The following NEK6 variants were observed in gnomAD, a reference collection of about 807,000 sequenced individuals.
NEK6 encodes NIMA related kinase 6.
Under a neutral mutation model 43.5 loss-of-function variants are expected in NEK6, and 27 were observed. The observed-to-expected ratio is 0.62, with a 90% CI of 0.46 to 0.86. The LOEUF is 0.86. Among genes scored for constraint, NEK6 ranks in the 40% least tolerant of loss-of-function variants. The pLI, the probability that NEK6 is intolerant of heterozygous loss-of-function variation, is 0.00. For missense variants in NEK6, 318 were observed against 414.4 expected, an observed-to-expected ratio of 0.77 and a Z score of 2.02; for synonymous variants, 167 against 164.1, an observed-to-expected ratio of 1.02 and a Z score of -0.14.
At chr9:124,285,223 G>A (rs549966771) in intron 1 of NEK6, among the ~76,000 whole-genome samples, 6 of 152,300 alleles carry the variant, frequency 3.9e-5, no homozygotes, top group African/African-American at 1.4e-4. Flanking sequence ...CCCTCCATGC[G>A]GGTGCTCTGA....
chr9:124,267,083 G>A (rs1013111963), intron 1 of NEK6, among the ~76,000 whole-genome samples: 1 of 152,248 alleles, frequency 6.6e-6, no homozygotes, highest in Non-Finnish European at 1.5e-5. Context: ...CACACACTTT[G>A]TTTAGAGGGC....
intron 1 of NEK6, among the ~76,000 whole-genome samples, chr9:124,286,216 T>G (rs1401892399): frequency 1.3e-5 from 2 of 152,254 alleles, no homozygotes; most frequent in Non-Finnish European, 2.9e-5. Context: ...TGCAATTCTA[T>G]TCAGCTGTTA....
intron 5 of NEK6, among the ~76,000 whole-genome samples, chr9:124,321,975 C>T (rs1374006740): frequency 2.6e-5 from 4 of 152,230 alleles, no homozygotes; most frequent in African/African-American, 7.2e-5. Flanking sequence ...ACAGAAGGAG[C>T]AGGGGCAGCA....
intron 1 of NEK6, among the ~76,000 whole-genome samples, chr9:124,265,352 T>C (rs896794043): frequency 6.6e-6 from 1 of 152,052 alleles, no homozygotes; most frequent in Non-Finnish European, 1.5e-5. Flanking sequence ...TGAAACCCCA[T>C]CTCTACTAAA....
At chr9:124,283,737 G>T (rs973459431) in intron 1 of NEK6, among the ~76,000 whole-genome samples, 17 of 152,186 alleles carry the variant, frequency 1.1e-4, no homozygotes, top group Non-Finnish European at 2.1e-4. Flanking sequence ...GCCTTTGCAC[G>T]TGCCATGCCC....
At chr9:124,301,186 G>T (rs1228071489) in intron 1 of NEK6, among the ~76,000 whole-genome samples, 2 of 152,198 alleles carry the variant, frequency 1.3e-5, no homozygotes, top group African/African-American at 2.4e-5. Context: ...TTGTCTGATG[G>T]GGGAGGCCAG....
chr9:124,327,227 T>C lies in NEK6; in HGVS notation c.515-111T>C, dbSNP rs985910951. 29 of 846,184 alleles carry C rather than the reference T, an allele frequency of 3.4e-5. No individual in the cohort carries two copies. In the Admixed American group the frequency reaches 4.1e-4, roughly 12 times the overall value. The allele number at this position is 846,184 out of a possible 1,614,324, so 52.4% of individuals were successfully genotyped here. The stretch of plus-strand genomic sequence containing the variant: ...CCAGAGCCAGGACAGGGCCTTGCCC[T>C]GAGGGAGCAGGACCTGGGCTAGGCC... On this transcript the variant is annotated intron_variant, in intron 6 of 9. Coordinates refer to ENST00000320246, the MANE Select transcript of NEK6 (RefSeq NM_014397.6).
At chr9:124,346,482 C>T (rs1427501229) in intron 8 of NEK6, among the ~76,000 whole-genome samples, 1 of 152,180 alleles carries the variant, frequency 6.6e-6, no homozygotes, top group Non-Finnish European at 1.5e-5. Flanking sequence ...GAGCCCTTGG[C>T]CAAGAAGCCA....
intron 9 of NEK6, among the ~76,000 whole-genome samples, chr9:124,348,153 G>C (rs1332019239): frequency 6.6e-6 from 1 of 152,230 alleles, no homozygotes; most frequent in Non-Finnish European, 1.5e-5. Context: ...TGCCGTGCCA[G>C]ACATGGGAAC....
intron 2 of NEK6, among the ~76,000 whole-genome samples, chr9:124,302,965 C>T (rs927372151): frequency 2.0e-5 from 3 of 152,220 alleles, no homozygotes; most frequent in African/African-American, 7.2e-5. Context: ...CCACTTGGGA[C>T]GGGGCTGTGT....
intron 8 of NEK6, among the ~76,000 whole-genome samples, chr9:124,344,612 G>C (rs1324261993): frequency 6.6e-6 from 1 of 152,242 alleles, no homozygotes. Flanking sequence ...GCCGGGCTCT[G>C]TTCTCGTTAC....
At chr9:124,317,330 A>G (rs1221671531) in intron 4 of NEK6, among the ~76,000 whole-genome samples, 1 of 151,884 alleles carries the variant, frequency 6.6e-6, no homozygotes, top group African/African-American at 2.4e-5. Context: ...TCGGCTCACT[A>G]CAACCTCCGA....
At position 124,275,650 on chromosome 9, in the gene NEK6, T is replaced by C. The variant is rs1831621511; in HGVS notation, c.-30+17565T>C. On this transcript the variant is annotated intron_variant, in intron 1 of 9. Transcript: ENST00000320246. This position sits in a 1 kb window ranked among gnomAD's most constrained non-coding sequence, Gnocchi z 4.4. ...TCTTCCCCAACATGGCCCCCCACCCTGTGAGGCCCACTAATGGCCAGTCCC... is the reference window on the plus strand; with the variant it reads ...TCTTCCCCAACATGGCCCCCCACCCCGTGAGGCCCACTAATGGCCAGTCCC... Among the ~76,000 whole-genome samples, 1 of 152,174 alleles carries C rather than the reference T, an allele frequency of 6.6e-6. No homozygotes were observed.
intron 1 of NEK6, among the ~76,000 whole-genome samples, chr9:124,262,564 C>T (rs1236149781): frequency 2.0e-5 from 3 of 152,238 alleles, no homozygotes; most frequent in Non-Finnish European, 2.9e-5. Context: ...GTCTTCTAGC[C>T]AGGCCTTCTT....
intron 1 of NEK6, among the ~76,000 whole-genome samples, chr9:124,267,384 A>G (rs1039902400): frequency 1.3e-5 from 2 of 152,166 alleles, no homozygotes; most frequent in Admixed American, 1.3e-4. Flanking sequence ...TTCAGTTACA[A>G]CAGGACCTCG....
At chr9:124,276,734 G>A (rs553747944) in intron 1 of NEK6, among the ~76,000 whole-genome samples, 9 of 152,364 alleles carry the variant, frequency 5.9e-5, no homozygotes, top group African/African-American at 1.7e-4. Context: ...TTGCTATTGT[G>A]GCTCGTTCAT....
chr9:124,303,598 G>A (rs1289465158), intron 2 of NEK6, among the ~76,000 whole-genome samples: 1 of 152,164 alleles, frequency 6.6e-6, no homozygotes, highest in Non-Finnish European at 1.5e-5. Flanking sequence ...GTATCTGGTG[G>A]GGGTGTGTGT....
chr9:124,349,945 C>T (rs1237693421), intron 9 of NEK6, among the ~76,000 whole-genome samples: 2 of 152,304 alleles, frequency 1.3e-5, no homozygotes, highest in Non-Finnish European at 1.5e-5. Context: ...CTGAGAGGAG[C>T]CCTAGTCTAC....
At chr9:124,300,733 C>G (rs1832925401) in intron 1 of NEK6, among the ~76,000 whole-genome samples, 1 of 152,176 alleles carries the variant, frequency 6.6e-6, no homozygotes. Flanking sequence ...TTGGAGGGCC[C>G]CGACCTGAGA....
Sources: gnomAD v4.1 joint callset for allele counts (sites outside exome capture counted in the v4.1 genomes callset) on GRCh38, gnomAD v4.1.1 for gene constraint, Gnocchi (gnomAD v3.1) non-coding constraint, MANE v1.5 for transcripts, NCBI Gene and HGNC (gene_info 2026-07-23, HGNC 2026-07-21) for gene names.